Variants in SMG6 observed in about 807,000 individuals in gnomAD.
SMG6 encodes SMG6 nonsense mediated mRNA decay factor.
A neutral mutation model predicts 142.2 loss-of-function variants in SMG6; 66 were observed. That is an observed-to-expected ratio of 0.46 (90% CI 0.38 to 0.57). SMG6 has a LOEUF of 0.57. SMG6 is among the 20% of genes least tolerant of loss of function. The probability of loss-of-function intolerance (pLI) is 0.00; values close to 1 mark genes in which losing one functional copy is unlikely to be tolerated. For missense variants in SMG6, 1,793 were observed against 1,832.0 expected (o/e 0.98, Z 0.39); for synonymous variants, 779 against 702.4 (o/e 1.11, Z -1.72).
At chr17:2,138,587 G>A (rs532641664) in intron 13 of SMG6, among the ~76,000 whole-genome samples, 3 of 152,156 alleles carry the variant, frequency 2.0e-5, no homozygotes, top group Admixed American at 6.5e-5. Flanking sequence ...AGCAGCATGG[G>A]GTACAAAGGA....
Position 2,068,750 on chromosome 17 carries a change from G to A in SMG6, c.3835+28C>T. On this transcript the variant is annotated intron_variant, in intron 16 of 18. Coordinates refer to ENST00000263073, the MANE Select transcript of SMG6 (RefSeq NM_017575.5). The surrounding 1 kb of genome is among the most constrained non-coding windows in gnomAD (Gnocchi z 6.7). ...GAGGGGGCTGCTGTGCACATGCAAGGCCGCTCTGCCCTTCCCGCCTGACTC... is the reference window on the plus strand; with the variant it reads ...GAGGGGGCTGCTGTGCACATGCAAGACCGCTCTGCCCTTCCCGCCTGACTC... 1 of 1,608,562 alleles carries A rather than the reference G, an allele frequency of 6.2e-7. No individual in the cohort carries two copies. The highest frequency in any genetic ancestry group is 8.5e-7 in the Non-Finnish European group (1 of 1,177,160).
In SMG6 at chr17:2,299,885, G is replaced by A. The variant is rs754435336; in HGVS notation, c.868C>T (p.Pro290Ser). Residue 290 changes from proline to serine, a missense_variant, in exon 2 of 19, where the codon CCA (proline) becomes TCA (serine). Coordinates refer to ENST00000263073, the MANE Select transcript of SMG6 (RefSeq NM_017575.5). The surrounding 1 kb of genome is among the most constrained non-coding windows in gnomAD (Gnocchi z 4.3). ...RRRQDRTKER[P>S]RLKKQVSVSS... ...ACAGACACTTGCTTCTTCAGTCGTG[G>A]CCTCTCCTTGGTCCTATCCTGTCGG... The A allele has an allele frequency of 6.2e-7, 1 of 1,614,080 alleles. No individual in the cohort carries two copies. The highest frequency in any genetic ancestry group is 8.5e-7 in the Non-Finnish European group (1 of 1,179,984).
At chr17:2,177,190 G>T (rs796535181) in intron 12 of SMG6, among the ~76,000 whole-genome samples, 6 of 152,292 alleles carry the variant, frequency 3.9e-5, no homozygotes, top group African/African-American at 1.4e-4. Flanking sequence ...GGGTTTCTGT[G>T]TTCCTAAAAT....
chr17:2,194,720 A>G (rs531627040), intron 10 of SMG6, among the ~76,000 whole-genome samples: 8 of 151,702 alleles, frequency 5.3e-5, no homozygotes, highest in Non-Finnish European at 8.8e-5. Context: ...AACAAAAAAA[A>G]AAAGAAAGAA....
Position 2,147,786 on chromosome 17 carries a change from T to TA in SMG6, c.3357+24871dup, listed in dbSNP as rs756014063. 5.3e-5 allele frequency among the ~76,000 whole-genome samples: 8 copies of TA among 152,342 alleles called. No homozygotes were observed. In the South Asian group the frequency reaches 6.2e-4, roughly 12 times the overall value. ...ATACACCGACTAGGATGGCTGTTAC[T>TA]AAAAAACAAAAGTATTGTGAGAATG... On this transcript the variant is annotated intron_variant, in intron 13 of 18. Transcript: ENST00000263073.
chr17:2,239,360 A>T (rs2073747044), intron 9 of SMG6, among the ~76,000 whole-genome samples: 1 of 152,258 alleles, frequency 6.6e-6, no homozygotes. Flanking sequence ...GCAATAAAGC[A>T]GGAAGAGAAG....
chr17:2,300,783 A>C (rs1440355623), intron 1 of SMG6, 119 bp from the exon 2 acceptor site: 2 of 882,286 alleles, frequency 2.3e-6, no homozygotes, highest in Non-Finnish European at 1.7e-6. Flanking sequence ...AGAATTACAT[A>C]TCCAAATGCT....
intron 8 of SMG6, among the ~76,000 whole-genome samples, chr17:2,261,182 C>T (rs561241125): frequency 1.3e-5 from 2 of 150,906 alleles, no homozygotes; most frequent in Non-Finnish European, 1.5e-5. Flanking sequence ...GGTGTGGTGG[C>T]GAGCACCTGT....
chr17:2,248,956 A>G lies in SMG6; in HGVS notation c.2662-4237T>C, dbSNP rs559915499. Among the ~76,000 whole-genome samples the G allele has an allele frequency of 3.2e-4, 48 of 150,400 alleles. No homozygotes were observed. In the East Asian group the frequency reaches 6.2e-3, roughly 19 times the overall value. On this transcript the variant is annotated intron_variant, in intron 8 of 18. Coordinates refer to ENST00000263073, the MANE Select transcript of SMG6 (RefSeq NM_017575.5). ...GGCTGGAGTGCAGTGGCGCTATCTC[A>G]GCTCACTGCAAGCTCCGCCTCCCGG... is the stretch of plus-strand genomic sequence containing the variant.
intron 8 of SMG6, among the ~76,000 whole-genome samples, chr17:2,264,240 A>G (rs1007964652): frequency 2.6e-5 from 4 of 152,218 alleles, no homozygotes; most frequent in Non-Finnish European, 5.9e-5. Context: ...AGTTGGCTGG[A>G]ACTCAGCAGC....
At chr17:2,170,317 C>T (rs750546065) in intron 13 of SMG6, among the ~76,000 whole-genome samples, 3 of 152,174 alleles carry the variant, frequency 2.0e-5, no homozygotes, top group Non-Finnish European at 4.4e-5. Flanking sequence ...GACACTAGAG[C>T]TGAGAGAGCT....
Position 2,244,782 on chromosome 17 carries a change from A to G in SMG6, c.2662-63T>C. The stretch of plus-strand genomic sequence containing the variant: ...TTTCCCCAGTTTCCTGTTACTGAAC[A>G]GAGTCCCCAGTGACACAATAACCTG... On this transcript the variant is annotated intron_variant, in intron 8 of 18. Coordinates refer to ENST00000263073, the MANE Select transcript of SMG6 (RefSeq NM_017575.5). 7 of 1,382,146 alleles carry G rather than the reference A, an allele frequency of 5.1e-6. No individual in the cohort carries two copies. The South Asian group carries it at 8.3e-5, about 16-fold the overall frequency. The allele number at this position is 1,382,146 out of a possible 1,614,324, so 85.6% of individuals were successfully genotyped here.
intron 13 of SMG6, among the ~76,000 whole-genome samples, chr17:2,134,684 G>C (rs2151556240): frequency 6.6e-6 from 1 of 152,178 alleles, no homozygotes; most frequent in South Asian, 2.1e-4. Context: ...TCATGTTGGA[G>C]ATAATATTCT....
At chr17:2,260,925 G>C (rs1043919771) in intron 8 of SMG6, among the ~76,000 whole-genome samples, 1 of 151,926 alleles carries the variant, frequency 6.6e-6, no homozygotes, top group African/African-American at 2.4e-5. Flanking sequence ...GAACCCGGGA[G>C]GCGGAGGTTG....
chr17:2,128,974 G>A (rs1211895078), intron 13 of SMG6, among the ~76,000 whole-genome samples: 1 of 152,202 alleles, frequency 6.6e-6, no homozygotes, highest in African/African-American at 2.4e-5. Context: ...AAACAACTAT[G>A]AGTCAAGAAT....
rs146908029 is a variant in SMG6 at position 2,300,366 on chromosome 17, A to T, written c.387T>A (p.Asp129Glu). 6.2e-7 allele frequency: 1 copy of T among 1,613,858 alleles called. No homozygotes were observed. Among genetic ancestry groups the T allele is most frequent in the Non-Finnish European group, 8.5e-7 (1 of 1,179,998 alleles). Residue 129 changes from aspartate (D) to glutamate (E), a missense_variant, in exon 2 of 19, where the codon GAT becomes GAA. Coordinates refer to ENST00000263073, the MANE Select transcript of SMG6 (RefSeq NM_017575.5). ...TTCTTTTGATAATTTTTAGACTACG[A>T]TCCTCTTGTCCAGCAGTCCTAGGAA... is the stretch of plus-strand genomic sequence containing the variant. Reference protein sequence around the residue: ...ESFPRTAGQEDRSLKIIKRTK... With the variant: ...ESFPRTAGQEERSLKIIKRTK...
chr17:2,118,080 A>G (rs938189370), intron 13 of SMG6, among the ~76,000 whole-genome samples: 6 of 151,820 alleles, frequency 4.0e-5, no homozygotes, highest in African/African-American at 9.7e-5. Flanking sequence ...CCATTTCTAT[A>G]AAAAATTAAA....
intron 10 of SMG6, among the ~76,000 whole-genome samples, chr17:2,230,954 T>C (rs1450304540): frequency 6.6e-6 from 1 of 152,230 alleles, no homozygotes; most frequent in African/African-American, 2.4e-5. Flanking sequence ...CAGAGATCCT[T>C]GTAGAGAAAA....
At chr17:2,289,953 T>TATAC (rs2074996035) in intron 6 of SMG6, among the ~76,000 whole-genome samples, 2 of 147,864 alleles carry the variant, frequency 1.4e-5, no homozygotes, top group Admixed American at 1.4e-4. Context: ...TATATATATA[T>TATAC]ATATATATAT....
Sources: gnomAD v4.1 joint callset for allele counts (sites outside exome capture counted in the v4.1 genomes callset) on GRCh38, gnomAD v4.1.1 for gene constraint, Gnocchi (gnomAD v3.1) non-coding constraint, MANE v1.5 for transcripts, NCBI Gene and HGNC (gene_info 2026-07-23, HGNC 2026-07-21) for gene names.